ERC1: variants seen among roughly 807,000 people sequenced by gnomAD.
The protein encoded by ERC1 is ELKS/RAB6-interacting/CAST family member 1.
Under a neutral mutation model 132.0 loss-of-function variants are expected in ERC1, and 56 were observed. That is an observed-to-expected ratio of 0.42 (90% CI 0.34 to 0.53). The LOEUF (loss-of-function observed/expected upper bound fraction) is 0.53. ERC1 is among the 20% of genes least tolerant of loss of function. ERC1 has a pLI of 0.03. For missense variants in ERC1, 1,202 were observed against 1,349.9 expected, an observed-to-expected ratio of 0.89 and a Z score of 1.72; for synonymous variants, 478 against 476.1, an observed-to-expected ratio of 1.00 and a Z score of -0.05.
Position 1,493,547 on chromosome 12 carries a change from AAATATATAT to A in ERC1, c.*3319_*3327del, listed in dbSNP as rs1482531900. On this transcript the variant is annotated 3_prime_UTR_variant, in exon 19 of 19. Coordinates refer to ENST00000360905, the MANE Select transcript of ERC1 (RefSeq NM_178040.4). ...GACTCCATTTAAAAAAAAAAAAAAA[AAATATATAT>A]ATATATATATATATATATATATGGA... The A allele has an allele frequency of 5.0e-4, 30 of 60,492 alleles. No homozygotes were observed. Among genetic ancestry groups the A allele is most frequent in the Middle Eastern group, 7.1e-3 (1 of 140 alleles). 3.7% of individuals were successfully genotyped at this position (60,492 alleles called of 1,614,324 possible). A position where few individuals can be genotyped will look rare whatever the true frequency, so the allele number is the denominator to read the frequency against.
intron 17 of ERC1, among the ~76,000 whole-genome samples, chr12:1,432,612 T>TA (rs2092829620): frequency 6.6e-6 from 1 of 152,226 alleles, no homozygotes; most frequent in African/African-American, 2.4e-5. Flanking sequence ...AGTTAATAAT[T>TA]ATTGAAGAAC....
chr12:1,213,112 C>T (rs1296406338), intron 12 of ERC1, among the ~76,000 whole-genome samples: 1 of 152,128 alleles, frequency 6.6e-6, no homozygotes, highest in Non-Finnish European at 1.5e-5. Context: ...TACCTGTAAC[C>T]TAGCATTTAG....
At chr12:1,204,439 C>T (rs1480293141) in intron 12 of ERC1, 13 of 1,388,186 alleles carry the variant, frequency 9.4e-6, no homozygotes, top group East Asian at 4.8e-5. Flanking sequence ...GAATATTGTC[C>T]TTATTAATTC....
chr12:1,195,623 C>T (rs941432539), intron 12 of ERC1, among the ~76,000 whole-genome samples: 4 of 152,148 alleles, frequency 2.6e-5, no homozygotes, highest in South Asian at 2.1e-4. Context: ...ATTATCTTGT[C>T]GGGATGTGAT....
chr12:1,265,957 G>A (rs763888153), intron 14 of ERC1, among the ~76,000 whole-genome samples: 1 of 152,152 alleles, frequency 6.6e-6, no homozygotes, highest in African/African-American at 2.4e-5. Context: ...AGCTGTTGAA[G>A]GACGTCTTGG....
intron 18 of ERC1, among the ~76,000 whole-genome samples, chr12:1,451,845 T>A (rs1276981023): frequency 6.6e-6 from 1 of 152,104 alleles, no homozygotes; most frequent in Admixed American, 6.6e-5. Context: ...TATTTAGAGA[T>A]AAGACCTTTA....
intron 12 of ERC1, among the ~76,000 whole-genome samples, chr12:1,225,537 T>A (rs1324120457): frequency 6.6e-6 from 1 of 151,812 alleles, no homozygotes; most frequent in East Asian, 1.9e-4. Flanking sequence ...ATTTCTTGAA[T>A]TGTTTTTTCT....
chr12:1,336,478 C>G (rs951462911), intron 15 of ERC1, among the ~76,000 whole-genome samples: 2 of 152,106 alleles, frequency 1.3e-5, no homozygotes, highest in African/African-American at 4.8e-5. Flanking sequence ...CAAAGAACTT[C>G]TTGATTTCTG....
intron 1 of ERC1, among the ~76,000 whole-genome samples, chr12:1,007,460 TTC>T (rs72040785): frequency 0.5 from 66,957 of 134,728 alleles, 19,126 homozygotes; most frequent in East Asian, 0.71. Flanking sequence ...GGGTAATTCA[TTC>T]TCTCTCTCTC....
At chr12:1,181,057 C>A (rs1954405347) in intron 9 of ERC1, among the ~76,000 whole-genome samples, 1 of 152,146 alleles carries the variant, frequency 6.6e-6, no homozygotes, top group Admixed American at 6.5e-5. Flanking sequence ...AAGTGATCCA[C>A]CCACCTCGGC....
At chr12:1,001,851 GTCTT>G (rs1475521116) in intron 1 of ERC1, among the ~76,000 whole-genome samples, 1 of 135,520 alleles carries the variant, frequency 7.4e-6, no homozygotes, top group Non-Finnish European at 1.5e-5. Context: ...TTCTTGTAAA[GTCTT>G]TTTTTTTTTT....
intron 2 of ERC1, among the ~76,000 whole-genome samples, chr12:1,040,291 A>G (rs1038947588): frequency 2.0e-5 from 3 of 151,456 alleles, no homozygotes; most frequent in Admixed American, 1.3e-4. Flanking sequence ...ATTTCTAAAA[A>G]TACTCATTTT....
chr12:1,356,001 T>A (rs1228501391), intron 15 of ERC1, among the ~76,000 whole-genome samples: 1 of 152,068 alleles, frequency 6.6e-6, no homozygotes, highest in Non-Finnish European at 1.5e-5. Flanking sequence ...AGCTCAGGAA[T>A]TCAAGACCAG....
chr12:1,386,270 A>G (rs2089335352), intron 16 of ERC1, among the ~76,000 whole-genome samples: 1 of 150,398 alleles, frequency 6.6e-6, no homozygotes, highest in Non-Finnish European at 1.5e-5. Flanking sequence ...AACTCCTGAC[A>G]TTGTGATCTG....
chr12:1,457,208 A>C (rs2093556172), intron 18 of ERC1, among the ~76,000 whole-genome samples: 1 of 152,186 alleles, frequency 6.6e-6, no homozygotes. Context: ...AGGTCTGTGT[A>C]AGTCAGTCTG....
intron 2 of ERC1, among the ~76,000 whole-genome samples, chr12:1,062,300 A>G (rs1197517758): frequency 6.6e-6 from 1 of 151,670 alleles, no homozygotes; most frequent in Non-Finnish European, 1.5e-5. Flanking sequence ...TCTTTTTTTG[A>G]AAATGAAGAC....
intron 18 of ERC1, among the ~76,000 whole-genome samples, chr12:1,461,366 G>C (rs2093641935): frequency 6.6e-6 from 1 of 152,036 alleles, no homozygotes; most frequent in Non-Finnish European, 1.5e-5. Flanking sequence ...CAACGTTTTT[G>C]GCTCTAAAAT....
chr12:1,095,691 C>G (rs1345947637), intron 3 of ERC1, among the ~76,000 whole-genome samples: 1 of 152,144 alleles, frequency 6.6e-6, no homozygotes, highest in African/African-American at 2.4e-5. Flanking sequence ...AATAGTACTT[C>G]TATTTCCAGT....
intron 18 of ERC1, among the ~76,000 whole-genome samples, chr12:1,470,068 A>G (rs906330370): frequency 2.0e-5 from 3 of 151,688 alleles, no homozygotes; most frequent in African/African-American, 4.9e-5. Flanking sequence ...TCATTTCGTC[A>G]TCTCACAAGG....
Sources: allele counts gnomAD v4.1 joint callset (sites outside exome capture counted in the v4.1 genomes callset), GRCh38; gene constraint gnomAD v4.1.1; transcripts MANE v1.5; gene names NCBI Gene and HGNC (gene_info 2026-07-23, HGNC 2026-07-21).